Variants in RANBP2 observed in about 807,000 individuals in gnomAD.
RANBP2 encodes RAN binding protein 2, also known as E3 SUMO-protein ligase RanBP2.
A neutral mutation model predicts 303.6 loss-of-function variants in RANBP2; 57 were observed. The ratio of observed to expected loss-of-function variants is 0.19; its 90% CI spans 0.15 to 0.23. The LOEUF (loss-of-function observed/expected upper bound fraction) is 0.23, where lower values mean the gene tolerates loss of function less well. RANBP2 is among the 10% of genes least tolerant of loss of function. The pLI is 1.00. For synonymous variants in RANBP2, 1,167 were observed against 1,301.5 expected (o/e 0.90, Z 2.23); for missense variants, 3,138 against 3,780.8 (o/e 0.83, Z 4.46).
the RANBP2 span, among the ~76,000 whole-genome samples, chr2:109,123,698 C>T: frequency 1.3e-5 from 2 of 152,204 alleles, no homozygotes; most frequent in South Asian, 4.1e-4. Context: ...GGAGGTACCA[C>T]ATTAATACTT....
the RANBP2 span, among the ~76,000 whole-genome samples, chr2:109,161,926 G>A: frequency 0.81 from 123,329 of 151,800 alleles, 50,278 homozygotes; most frequent in East Asian, 0.89. Context: ...ACTCAGTGGT[G>A]CCTCCTGGGG....
the RANBP2 span, among the ~76,000 whole-genome samples, chr2:108,823,266 G>A: frequency 6.6e-6 from 1 of 152,160 alleles, no homozygotes; most frequent in Non-Finnish European, 1.5e-5. Flanking sequence ...TTGAAAGGGA[G>A]GTAACACTTC....
At chr2:109,344,254 G>A in the RANBP2 span, among the ~76,000 whole-genome samples, 1 of 152,240 alleles carries the variant, frequency 6.6e-6, no homozygotes, top group Non-Finnish European at 1.5e-5. Flanking sequence ...GGTGGCCGAT[G>A]GAGTTAGGAT....
At chr2:109,286,929 G>A in the RANBP2 span, among the ~76,000 whole-genome samples, 2 of 152,184 alleles carry the variant, frequency 1.3e-5, no homozygotes, top group African/African-American at 4.8e-5. Flanking sequence ...AAAAGACAGT[G>A]AGCATTTGTG....
At chr2:109,273,083 A>G in the RANBP2 span, among the ~76,000 whole-genome samples, 1 of 152,252 alleles carries the variant, frequency 6.6e-6, no homozygotes, top group Non-Finnish European at 1.5e-5. Context: ...TTTACTGAGT[A>G]TTTCGGGTTG....
At chr2:108,918,882 C>T in the RANBP2 span, among the ~76,000 whole-genome samples, 19 of 152,298 alleles carry the variant, frequency 1.2e-4, no homozygotes, top group Middle Eastern at 3.4e-3. Flanking sequence ...ATTCTTAGAG[C>T]TGTCAACAAG....
At chr2:109,691,005 T>C in the RANBP2 span, among the ~76,000 whole-genome samples, 1 of 152,108 alleles carries the variant, frequency 6.6e-6, no homozygotes, top group Admixed American at 6.6e-5. Flanking sequence ...GGTTTGACAA[T>C]GTTCAACCAT....
chr2:108,777,761 G>A (rs924344181), intron 25 of RANBP2, among the ~76,000 whole-genome samples: 9 of 151,972 alleles, frequency 5.9e-5, no homozygotes, highest in East Asian at 1.9e-4. Context: ...GATTGTATCC[G>A]GTTTACTAGT....
At chr2:108,761,400 T>A (rs1434921724) in intron 18 of RANBP2, among the ~76,000 whole-genome samples, 2 of 152,126 alleles carry the variant, frequency 1.3e-5, no homozygotes, top group Admixed American at 1.3e-4. Flanking sequence ...GCATAAAAGG[T>A]CTTTTGGTTG....
chr2:109,721,954 C>A, the RANBP2 span, among the ~76,000 whole-genome samples: 1 of 152,214 alleles, frequency 6.6e-6, no homozygotes, highest in Non-Finnish European at 1.5e-5. Flanking sequence ...AGCCAGCTGG[C>A]TCATTTAGGG....
the RANBP2 span, among the ~76,000 whole-genome samples, chr2:109,174,448 G>A: frequency 2.6e-5 from 4 of 152,184 alleles, no homozygotes; most frequent in Admixed American, 2.6e-4. Flanking sequence ...GACCAGAGTG[G>A]TGCCCTGATC....
chr2:109,316,436 G>A, the RANBP2 span, among the ~76,000 whole-genome samples: 2 of 152,230 alleles, frequency 1.3e-5, no homozygotes, highest in Non-Finnish European at 2.9e-5. Context: ...GAACACAGGT[G>A]TGATGTCAGT....
At chr2:109,440,059 C>G in the RANBP2 span, among the ~76,000 whole-genome samples, 1 of 152,160 alleles carries the variant, frequency 6.6e-6, no homozygotes, top group Non-Finnish European at 1.5e-5. Context: ...AAAGGAGGTT[C>G]AGAGCAGAGG....
chr2:109,003,410 T>C, the RANBP2 span, among the ~76,000 whole-genome samples: 38 of 151,916 alleles, frequency 2.5e-4, no homozygotes, highest in African/African-American at 7.2e-4. Flanking sequence ...TTTAATTTTT[T>C]TTCTTCTTTT....
At chr2:109,636,364 A>G in the RANBP2 span, among the ~76,000 whole-genome samples, 2 of 152,102 alleles carry the variant, frequency 1.3e-5, no homozygotes, top group African/African-American at 2.4e-5. Context: ...CATTACTTCT[A>G]TGAAAAGAAG....
the RANBP2 span, among the ~76,000 whole-genome samples, chr2:109,016,870 T>A: frequency 6.6e-6 from 1 of 152,204 alleles, no homozygotes; most frequent in Non-Finnish European, 1.5e-5. Flanking sequence ...TGGAAGTTCA[T>A]GAACTGCTAT....
chr2:109,296,803 A>G, the RANBP2 span, among the ~76,000 whole-genome samples: 1 of 152,144 alleles, frequency 6.6e-6, no homozygotes. Context: ...AGCTGGGGAC[A>G]CTGACCACAC....
chr2:109,356,520 A>G, the RANBP2 span, among the ~76,000 whole-genome samples: 3 of 152,178 alleles, frequency 2.0e-5, no homozygotes, highest in African/African-American at 4.8e-5. Flanking sequence ...TGCTTTCTCA[A>G]TACCAGATGC....
the RANBP2 span, among the ~76,000 whole-genome samples, chr2:109,425,950 T>C: frequency 6.6e-6 from 1 of 152,156 alleles, no homozygotes; most frequent in South Asian, 2.1e-4. Flanking sequence ...CAGGCTGGAG[T>C]GCAGTGGCAT....
Sources: allele counts gnomAD v4.1 joint callset (sites outside exome capture counted in the v4.1 genomes callset), GRCh38; gene constraint gnomAD v4.1.1; transcripts MANE v1.5; gene names NCBI Gene and HGNC (gene_info 2026-07-23, HGNC 2026-07-21).